RIMS1: variants seen among roughly 807,000 people sequenced by gnomAD.
The protein encoded by RIMS1 is regulating synaptic membrane exocytosis protein 1.
A neutral mutation model predicts 214.1 loss-of-function variants in RIMS1; 83 were observed. That is an observed-to-expected ratio of 0.39 (90% CI 0.32 to 0.47). The LOEUF is 0.47. Ranked by LOEUF, RIMS1 falls within the 20% of genes least tolerant of loss-of-function variation. RIMS1 has a pLI of 0.99. For synonymous variants in RIMS1, 793 were observed against 786.8 expected (o/e 1.01, Z -0.13); for missense variants, 2,050 against 2,161.8 (o/e 0.95, Z 1.03).
intron 2 of RIMS1, among the ~76,000 whole-genome samples, chr6:72,014,447 C>A (rs1483235037): frequency 6.6e-6 from 1 of 152,178 alleles, no homozygotes; most frequent in Non-Finnish European, 1.5e-5. Flanking sequence ...ATATTTCATT[C>A]TTTTTTATTG....
At chr6:72,075,491 T>C (rs964358748) in intron 2 of RIMS1, among the ~76,000 whole-genome samples, 1 of 152,206 alleles carries the variant, frequency 6.6e-6, no homozygotes, top group African/African-American at 2.4e-5. Flanking sequence ...TTAAGAAACA[T>C]GTAATAATCA....
chr6:72,363,084 G>A (rs2097878919), intron 29 of RIMS1, among the ~76,000 whole-genome samples: 1 of 152,126 alleles, frequency 6.6e-6, no homozygotes, highest in African/African-American at 2.4e-5. Context: ...CCTACACGGG[G>A]ACTTAACCTA....
intron 28 of RIMS1, among the ~76,000 whole-genome samples, chr6:72,324,149 A>G (rs116358014): frequency 1.7e-3 from 263 of 152,074 alleles, no homozygotes; most frequent in African/African-American, 6.0e-3. Context: ...ATGTTGAAGA[A>G]AAGTATCTCC....
chr6:72,226,294 A>G (rs2060152006), intron 6 of RIMS1, among the ~76,000 whole-genome samples: 1 of 152,142 alleles, frequency 6.6e-6, no homozygotes, highest in Admixed American at 6.6e-5. Flanking sequence ...CCAAAGCTTC[A>G]TGTGATCTCA....
At chr6:72,138,819 G>T (rs1257328107) in intron 4 of RIMS1, among the ~76,000 whole-genome samples, 7 of 152,150 alleles carry the variant, frequency 4.6e-5, no homozygotes, top group Non-Finnish European at 1.0e-4. Context: ...GTTGTTGGGG[G>T]TTTTGAGAAG....
At chr6:72,061,421 C>G (rs940869577) in intron 2 of RIMS1, among the ~76,000 whole-genome samples, 2 of 152,206 alleles carry the variant, frequency 1.3e-5, no homozygotes, top group African/African-American at 4.8e-5. Context: ...GTTGCTAACT[C>G]AAAAGCATGT....
intron 4 of RIMS1, among the ~76,000 whole-genome samples, chr6:72,172,733 T>C (rs1410256419): frequency 6.6e-6 from 1 of 152,226 alleles, no homozygotes; most frequent in East Asian, 1.9e-4. Flanking sequence ...TCCCTTTAGC[T>C]AAATTCCTTT....
At chr6:71,919,878 T>A (rs1353739897) in intron 1 of RIMS1, among the ~76,000 whole-genome samples, 2 of 152,196 alleles carry the variant, frequency 1.3e-5, no homozygotes, top group Non-Finnish European at 2.9e-5. Context: ...TTTGATCCTT[T>A]GCAATTGATG....
intron 4 of RIMS1, among the ~76,000 whole-genome samples, chr6:72,110,543 C>T (rs1191642322): frequency 6.7e-6 from 1 of 148,980 alleles, no homozygotes; most frequent in Non-Finnish European, 1.5e-5. Context: ...GATTTTTGTA[C>T]ATTGATTTTG....
chr6:72,049,232 T>C (rs1307266134), intron 2 of RIMS1, among the ~76,000 whole-genome samples: 1 of 152,016 alleles, frequency 6.6e-6, no homozygotes, highest in Non-Finnish European at 1.5e-5. Context: ...GGGAAAATAC[T>C]GCCTTGCCCT....
intron 29 of RIMS1, among the ~76,000 whole-genome samples, chr6:72,376,746 CAA>C (rs766207091): frequency 0.026 from 2,964 of 112,616 alleles, 87 homozygotes; most frequent in African/African-American, 0.09. Flanking sequence ...GACTCTGTCT[CAA>C]AAAAAAAAAA....
At chr6:72,083,787 A>G (rs944567908) in intron 2 of RIMS1, among the ~76,000 whole-genome samples, 12 of 152,188 alleles carry the variant, frequency 7.9e-5, no homozygotes, top group Non-Finnish European at 1.6e-4. Context: ...TGCTATTATT[A>G]TCACCAGTTC....
chr6:72,011,067 G>T (rs997294219), intron 2 of RIMS1, among the ~76,000 whole-genome samples: 1 of 152,144 alleles, frequency 6.6e-6, no homozygotes, highest in African/African-American at 2.4e-5. Context: ...CACACTTCCT[G>T]ATTTCAGACT....
intron 4 of RIMS1, among the ~76,000 whole-genome samples, chr6:72,122,436 G>C (rs184490037): frequency 1.3e-5 from 2 of 151,464 alleles, no homozygotes; most frequent in African/African-American, 4.8e-5. Flanking sequence ...GTGATCTCCT[G>C]ACCTCATGAT....
intron 1 of RIMS1, among the ~76,000 whole-genome samples, chr6:71,966,431 T>C (rs1794456062): frequency 6.6e-6 from 1 of 152,332 alleles, no homozygotes; most frequent in Middle Eastern, 3.4e-3. Context: ...AGAAACAGTA[T>C]ATTAACTTGA....
chr6:72,262,394 A>G, intron 19 of RIMS1: 2 of 980,842 alleles, frequency 2.0e-6, no homozygotes, highest in Non-Finnish European at 2.4e-6. Context: ...TTAAAAATAA[A>G]TGAGTATTCA....
rs564052547 is a variant in RIMS1 at position 72,219,818 on chromosome 6, TA to T, written c.1679-13954del. ...TTTTTTATCCACTTAATTTTTTTTT[TA>T]CTTTTATTTCAGGATTATGTTCTGT... On this transcript the variant is annotated intron_variant, in intron 6 of 33. Transcript: ENST00000521978. Among the ~76,000 whole-genome samples, 844 of 152,108 alleles carry T rather than the reference TA, an allele frequency of 5.5e-3. 5 individuals are homozygous for T. The highest frequency in any genetic ancestry group is 0.033 in the South Asian group (159 of 4,822).
intron 2 of RIMS1, among the ~76,000 whole-genome samples, chr6:71,994,898 G>A (rs1802919482): frequency 1.3e-5 from 2 of 152,174 alleles, no homozygotes; most frequent in African/African-American, 2.4e-5. Context: ...GAACACAAAG[G>A]CCTTGTTTTG....
At chr6:71,977,897 A>G (rs1215226134) in intron 2 of RIMS1, among the ~76,000 whole-genome samples, 2 of 152,212 alleles carry the variant, frequency 1.3e-5, no homozygotes, top group Non-Finnish European at 2.9e-5. Flanking sequence ...AAACCCTTAA[A>G]GCACTTTAAA....
Sources: allele counts gnomAD v4.1 joint callset (sites outside exome capture counted in the v4.1 genomes callset), GRCh38; gene constraint gnomAD v4.1.1; transcripts MANE v1.5; gene names NCBI Gene and HGNC (gene_info 2026-07-23, HGNC 2026-07-21).